The following SUFU variants were observed in gnomAD, a reference collection of about 807,000 sequenced individuals.
SUFU encodes SUFU negative regulator of hedgehog signaling.
A neutral mutation model predicts 58.9 loss-of-function variants in SUFU; 7 were observed. That is an observed-to-expected ratio of 0.12 (90% CI 0.07 to 0.22). The LOEUF is 0.22. Ranked by LOEUF, SUFU falls within the 10% of genes least tolerant of loss-of-function variation. SUFU has a pLI of 1.00. For missense variants in SUFU, 451 were observed against 641.3 expected (o/e 0.70, Z 3.20); for synonymous variants, 232 against 254.8 (o/e 0.91, Z 0.85).
intron 2 of SUFU, among the ~76,000 whole-genome samples, chr10:102,537,331 A>C (rs546582526): frequency 2.7e-4 from 40 of 149,652 alleles, no homozygotes; most frequent in African/African-American, 8.9e-4. Context: ...GGATGTCCTT[A>C]TGTTGCCCAG....
chr10:102,539,933 CAT>C (rs937086970), intron 2 of SUFU, among the ~76,000 whole-genome samples: 1 of 152,150 alleles, frequency 6.6e-6, no homozygotes, highest in African/African-American at 2.4e-5. Flanking sequence ...AGTGTGGACT[CAT>C]AGATTTTTAT....
At chr10:102,543,138 TCTC>T (rs2062821521) in intron 2 of SUFU, among the ~76,000 whole-genome samples, 1 of 152,168 alleles carries the variant, frequency 6.6e-6, no homozygotes, top group Non-Finnish European at 1.5e-5. Flanking sequence ...ACTGCCTAAT[TCTC>T]CTCCATATAA....
At chr10:102,532,790 G>A (rs564873477) in intron 2 of SUFU, among the ~76,000 whole-genome samples, 37 of 152,194 alleles carry the variant, frequency 2.4e-4, no homozygotes, top group Non-Finnish European at 4.8e-4. Flanking sequence ...GGCAGAGGAG[G>A]TATAGGACCT....
chr10:102,610,572 G>A (rs1007292532), intron 8 of SUFU, among the ~76,000 whole-genome samples: 1 of 152,144 alleles, frequency 6.6e-6, no homozygotes, highest in East Asian at 1.9e-4. Flanking sequence ...CGATGGGAAG[G>A]TTGGGTTGAT....
chr10:102,521,672 C>T (rs372933577), intron 2 of SUFU, among the ~76,000 whole-genome samples: 2 of 152,168 alleles, frequency 1.3e-5, no homozygotes, highest in Non-Finnish European at 2.9e-5. Context: ...TGGGCTTAAC[C>T]TTGCCTTTGA....
chr10:102,548,888 C>T (rs998430877), intron 2 of SUFU, among the ~76,000 whole-genome samples: 3 of 152,202 alleles, frequency 2.0e-5, no homozygotes, highest in Admixed American at 6.5e-5. Context: ...AGCAGTCATC[C>T]TCATTATTCT....
chr10:102,541,057 C>T (rs2062793666), intron 2 of SUFU, among the ~76,000 whole-genome samples: 1 of 150,888 alleles, frequency 6.6e-6, no homozygotes, highest in African/African-American at 2.4e-5. Flanking sequence ...ATCTTTTCTT[C>T]CCCCTTTCAG....
At chr10:102,600,025 G>A (rs543066472) in intron 8 of SUFU, among the ~76,000 whole-genome samples, 1 of 152,168 alleles carries the variant, frequency 6.6e-6, no homozygotes, top group Non-Finnish European at 1.5e-5. Context: ...CTCTTCCCTG[G>A]GGCCCAGGGA....
intron 3 of SUFU, among the ~76,000 whole-genome samples, chr10:102,557,062 T>C (rs1183843983): frequency 6.6e-6 from 1 of 151,418 alleles, no homozygotes; most frequent in Non-Finnish European, 1.5e-5. Flanking sequence ...GTCTGAGCAA[T>C]AGAGCGAGAC....
chr10:102,512,730 CAG>C (rs1195293980), intron 2 of SUFU, among the ~76,000 whole-genome samples: 2 of 152,180 alleles, frequency 1.3e-5, no homozygotes, highest in Non-Finnish European at 2.9e-5. Flanking sequence ...GGAATGTTCT[CAG>C]ATATTTACCC....
chr10:102,584,115 T>C (rs941705553), intron 3 of SUFU, among the ~76,000 whole-genome samples: 2 of 152,188 alleles, frequency 1.3e-5, no homozygotes, highest in African/African-American at 4.8e-5. Context: ...AGAAAGCATA[T>C]TGAGTAGGCA....
Position 102,504,023 on chromosome 10 carries a change from G to C in SUFU, c.-130G>C. The C allele has an allele frequency of 1.6e-6, 2 of 1,254,990 alleles. No homozygotes were observed. Among genetic ancestry groups the C allele is most frequent in the Non-Finnish European group, 2.1e-6 (2 of 959,220 alleles). The allele number at this position is 1,254,990 out of a possible 1,614,324, so 77.7% of individuals were successfully genotyped here. A position where few individuals can be genotyped will look rare whatever the true frequency, so the allele number is the denominator to read the frequency against. ...CGGACAGTGCGCCGTGCGCAGGCGCGGAGCTAGACCTCGCTGCAGCCCCCA... is the reference window on the plus strand; with the variant it reads ...CGGACAGTGCGCCGTGCGCAGGCGCCGAGCTAGACCTCGCTGCAGCCCCCA... On this transcript the variant is annotated 5_prime_UTR_variant, in exon 1 of 12. Transcript: ENST00000369902.
intron 1 of SUFU, 79 bp downstream of exon 1, chr10:102,504,413 A>G: frequency 6.3e-7 from 1 of 1,579,346 alleles, no homozygotes. Flanking sequence ...AATTTGTGGG[A>G]GGTGGGAGGA....
At chr10:102,626,209 G>A (rs1213116631) in intron 10 of SUFU, among the ~76,000 whole-genome samples, 1 of 152,166 alleles carries the variant, frequency 6.6e-6, no homozygotes, top group African/African-American at 2.4e-5. Flanking sequence ...CCCTCACCCA[G>A]GGCGTGGTGG....
At position 102,504,288 on chromosome 10, in the gene SUFU, C is replaced by G; in HGVS notation, c.136C>G (p.Pro46Ala). The G allele has an allele frequency of 1.2e-6, 2 of 1,614,118 alleles. No individual in the cohort carries two copies. Among genetic ancestry groups the G allele is most frequent in the Non-Finnish European group, 1.7e-6 (2 of 1,180,028 alleles). Residue 46 changes from proline (P) to alanine (A), a missense_variant, in exon 1 of 12, where the codon CCT becomes GCT. By Grantham distance (27) the Pro-to-Ala change is conservative. Coordinates refer to ENST00000369902, the MANE Select transcript of SUFU (RefSeq NM_016169.4). The part of the protein sequence containing the change: ...AIYGECRRLY[P>A]DQPNPLQVTA... ...CTACGGAGAGTGCCGCCGCCTTTAC[C>G]CTGACCAGCCGAACCCGCTCCAGGT...
chr10:102,577,336 T>G (rs536443540), intron 3 of SUFU, among the ~76,000 whole-genome samples: 1 of 152,044 alleles, frequency 6.6e-6, no homozygotes, highest in African/African-American at 2.4e-5. Flanking sequence ...TTCCTGGGAT[T>G]TTTTTTTCTT....
In SUFU at chr10:102,619,570, T is replaced by TCGG; in HGVS notation, c.1296+2142_1296+2143insCGG. ...GGCCCCACACCCCAAGCACCCACCCTTGATCACCGAGGGGTTTCTCAGGCC... is the reference window on the plus strand; with the variant it reads ...GGCCCCACACCCCAAGCACCCACCCTCGGTGATCACCGAGGGGTTTCTCAGGCC... On this transcript the variant is annotated intron_variant, in intron 10 of 11. Transcript: ENST00000369902. This position sits in a 1 kb window ranked among gnomAD's most constrained non-coding sequence, Gnocchi z 4.2. 1.0e-6 allele frequency: 1 copy of TCGG among 957,346 alleles called. No individual in the cohort carries two copies. The highest frequency in any genetic ancestry group is 1.3e-6 in the Non-Finnish European group (1 of 781,304). 59.3% of individuals were successfully genotyped at this position (957,346 alleles called of 1,614,324 possible). A position where few individuals can be genotyped will look rare whatever the true frequency, so the allele number is the denominator to read the frequency against.
intron 8 of SUFU, among the ~76,000 whole-genome samples, chr10:102,608,927 A>G (rs745515358): frequency 6.6e-6 from 1 of 152,136 alleles, no homozygotes; most frequent in Non-Finnish European, 1.5e-5. Context: ...TTAAAATTCC[A>G]TCGAATACCC....
At chr10:102,605,993 T>C (rs1160019137) in intron 8 of SUFU, among the ~76,000 whole-genome samples, 1 of 152,222 alleles carries the variant, frequency 6.6e-6, no homozygotes, top group African/African-American at 2.4e-5. Flanking sequence ...TCCTCTCCTT[T>C]CCACCCATGC....
Sources: gnomAD v4.1 joint callset for allele counts (sites outside exome capture counted in the v4.1 genomes callset) on GRCh38, gnomAD v4.1.1 for gene constraint, Gnocchi (gnomAD v3.1) non-coding constraint, MANE v1.5 for transcripts, NCBI Gene and HGNC (gene_info 2026-07-23, HGNC 2026-07-21) for gene names.